FNTA: variants seen among roughly 807,000 people sequenced by gnomAD.
FNTA encodes farnesyltransferase, CAAX box, subunit alpha, also known as protein farnesyltransferase/geranylgeranyltransferase type-1 subunit alpha.
In FNTA, 27 loss-of-function variants were observed where a neutral mutation model predicts 55.2. The ratio of observed to expected loss-of-function variants is 0.49; its 90% CI spans 0.36 to 0.67. The LOEUF (loss-of-function observed/expected upper bound fraction) is 0.67. Among genes scored for constraint, FNTA ranks in the 30% least tolerant of loss-of-function variants. The pLI is 0.00. For missense variants in FNTA, 422 were observed against 464.7 expected (o/e 0.91, Z 0.85); for synonymous variants, 176 against 170.7 (o/e 1.03, Z -0.24).
At chr8:43,084,407 A>G (rs1011313220) in intron 7 of FNTA, among the ~76,000 whole-genome samples, 1 of 151,882 alleles carries the variant, frequency 6.6e-6, no homozygotes, top group Non-Finnish European at 1.5e-5. Context: ...ATTTTAGTAG[A>G]GACGAGATCT....
chr8:43,056,534 A>G lies in FNTA; in HGVS notation c.188A>G (p.Tyr63Cys), dbSNP rs1299789665. 8.4e-6 allele frequency: 13 copies of G among 1,545,506 alleles called. No homozygotes were observed. Among genetic ancestry groups the G allele is most frequent in the Non-Finnish European group, 1.1e-5 (13 of 1,149,376 alleles). Residue 63 changes from tyrosine to cysteine, a missense_variant, in exon 1 of 9, where the codon TAT (tyrosine) becomes TGT (cysteine). This residue lies in a region of FNTA where 160 missense variants were observed against 121.6 expected (regional missense o/e 1.32). Coordinates refer to ENST00000302279, the MANE Select transcript of FNTA (RefSeq NM_002027.3). ...TTTGTGAGCCTGGACTCGCCCTCCT[A>G]TGTCCTGTACAGGTAACGCCCCCGC... is the stretch of plus-strand genomic sequence containing the variant. The part of the protein sequence containing the change: ...DGFVSLDSPS[Y>C]VLYRDRAEWA...
intron 2 of FNTA, among the ~76,000 whole-genome samples, chr8:43,063,640 T>C (rs908696483): frequency 6.6e-6 from 1 of 152,132 alleles, no homozygotes; most frequent in Non-Finnish European, 1.5e-5. Flanking sequence ...CTAGAATGAG[T>C]TAATAATGGT....
chr8:43,075,891 T>TG (rs1810899133), intron 5 of FNTA, among the ~76,000 whole-genome samples: 1 of 151,380 alleles, frequency 6.6e-6, no homozygotes. Context: ...TTTTTTTTTT[T>TG]GGGACAGGGT....
chr8:43,067,001 T>C (rs1810675909), intron 3 of FNTA, among the ~76,000 whole-genome samples: 1 of 152,190 alleles, frequency 6.6e-6, no homozygotes, highest in Admixed American at 6.5e-5. Context: ...TTTTTGCAGA[T>C]CTTATCCTGT....
intron 4 of FNTA, among the ~76,000 whole-genome samples, chr8:43,071,413 G>A (rs941644465): frequency 1.3e-5 from 2 of 152,160 alleles, no homozygotes; most frequent in African/African-American, 4.8e-5. Flanking sequence ...GCTCACGTCT[G>A]TAATCCCAGC....
chr8:43,077,030 C>T (rs1810928164), intron 5 of FNTA, 186 bp from the exon 6 acceptor site: 1 of 440,912 alleles, frequency 2.3e-6, no homozygotes, highest in East Asian at 3.5e-5. Context: ...TCTTTCCAGG[C>T]TCTATCATCA....
At chr8:43,067,186 G>C (rs1317412032) in intron 3 of FNTA, among the ~76,000 whole-genome samples, 1 of 152,136 alleles carries the variant, frequency 6.6e-6, no homozygotes, top group African/African-American at 2.4e-5. Flanking sequence ...TGTCACTTCT[G>C]TCATGGTAGT....
chr8:43,060,378 A>G (rs1367188780), intron 2 of FNTA, among the ~76,000 whole-genome samples: 1 of 152,216 alleles, frequency 6.6e-6, no homozygotes, highest in African/African-American at 2.4e-5. Flanking sequence ...TGCAAGGTAT[A>G]AAATTAACAT....
Position 43,063,315 on chromosome 8 carries a change from A to C in FNTA, c.287-786A>C, listed in dbSNP as rs114799030. 1.5e-3 allele frequency: 669 copies of C among 456,028 alleles called. 3 individuals carry two copies. The highest frequency in any genetic ancestry group is 0.012 in the African/African-American group (612 of 50,138). 28.2% of individuals were successfully genotyped at this position (456,028 alleles called of 1,614,324 possible). The stretch of plus-strand genomic sequence containing the variant: ...AGGCTAATTTTAAACTGCTGGGTTC[A>C]AGTGATCTGCCTGCCTCAGTCTTTT... On this transcript the variant is annotated intron_variant, in intron 2 of 8. Transcript: ENST00000302279.
At chr8:43,072,111 A>G (rs1189418307) in intron 4 of FNTA, 70 bp from the exon 5 acceptor site, 10 of 1,227,866 alleles carry the variant, frequency 8.1e-6, no homozygotes, top group Non-Finnish European at 1.1e-5. Flanking sequence ...CACCTTTACA[A>G]CATGTGCAAC....
At chr8:43,082,904 G>A (rs1374217849) in intron 6 of FNTA, 1 of 311,258 alleles carries the variant, frequency 3.2e-6, no homozygotes. Context: ...AAATTAGCTG[G>A]GTGTGGTGGT....
intron 5 of FNTA, among the ~76,000 whole-genome samples, chr8:43,074,471 G>A (rs1407195666): frequency 1.3e-5 from 2 of 152,116 alleles, no homozygotes; most frequent in African/African-American, 2.4e-5. Context: ...GCTGTGGTGA[G>A]CTATGCTCAC....
At chr8:43,074,852 G>C (rs1476702037) in intron 5 of FNTA, among the ~76,000 whole-genome samples, 1 of 152,130 alleles carries the variant, frequency 6.6e-6, no homozygotes, top group Non-Finnish European at 1.5e-5. Flanking sequence ...TACTATACAT[G>C]GGATTAAATT....
chr8:43,076,080 G>T (rs898571485), intron 5 of FNTA, among the ~76,000 whole-genome samples: 4 of 151,630 alleles, frequency 2.6e-5, no homozygotes, highest in African/African-American at 9.7e-5. Flanking sequence ...GCCTTGCTCT[G>T]TCCCCCAGGC....
rs1811058466 is a variant in FNTA, at chr8:43,083,158, A to G, written c.823A>G (p.Ser275Gly). The change falls in exon 7 of 9, where the codon AGT (serine) becomes GGT (glycine). Residue 275 changes from serine (S) to glycine (G), a missense_variant. Transcript: ENST00000302279. Reference protein sequence around the residue: ...EMIKLVPHNESAWNYLKGILQ... With the variant: ...EMIKLVPHNEGAWNYLKGILQ... ...GATTAAACTAGTACCACATAATGAA[A>G]GTGCATGGAACTATTTGAAAGGGTA... The G allele has an allele frequency of 6.3e-7, 1 of 1,588,078 alleles. No individual in the cohort carries two copies. Among genetic ancestry groups the G allele is most frequent in the Non-Finnish European group, 8.5e-7 (1 of 1,169,916 alleles).
rs1810480812 is a variant in FNTA at position 43,059,310 on chromosome 8, TTG to T, written c.286+137_286+138del. The T allele has an allele frequency of 9.5e-6, 6 of 630,984 alleles. No individual in the cohort carries two copies. The Admixed American group carries it at 9.9e-5, about 10-fold the overall frequency. The allele number at this position is 630,984 out of a possible 1,614,324, so 39.1% of individuals were successfully genotyped here. On this transcript the variant is annotated intron_variant, in intron 2 of 8. Coordinates refer to ENST00000302279, the MANE Select transcript of FNTA (RefSeq NM_002027.3). ...CTGAATGACTTAAGATGAGTTAATT[TTG>T]TGTTTTTTTTATGTGTGTGTGTGAT... is the stretch of plus-strand genomic sequence containing the variant.
At chr8:43,066,191 C>T (rs537906864) in intron 3 of FNTA, among the ~76,000 whole-genome samples, 18 of 148,904 alleles carry the variant, frequency 1.2e-4, no homozygotes, top group Middle Eastern at 3.5e-3. Context: ...TTCTAACTCT[C>T]GTATGGATTT....
At chr8:43,072,731 A>T (rs987790587) in intron 5 of FNTA, among the ~76,000 whole-genome samples, 16 of 151,098 alleles carry the variant, frequency 1.1e-4, no homozygotes, top group South Asian at 4.2e-4. Context: ...TATCTATTTT[A>T]AAAAAAAACA....
At chr8:43,063,222 A>T (rs1810577397) in intron 2 of FNTA, 1 of 454,638 alleles carries the variant, frequency 2.2e-6, no homozygotes, top group Non-Finnish European at 4.4e-6. Flanking sequence ...CTGTGACTGC[A>T]GGCCTGGATC....
Sources: gnomAD v4.1 joint callset for allele counts (sites outside exome capture counted in the v4.1 genomes callset) on GRCh38, gnomAD v4.1.1 for gene constraint, gnomAD v4.1.1 regional missense constraint, MANE v1.5 for transcripts, NCBI Gene and HGNC (gene_info 2026-07-23, HGNC 2026-07-21) for gene names.